GRIN2C: variants seen among roughly 807,000 people sequenced by gnomAD.
GRIN2C encodes glutamate ionotropic receptor NMDA type subunit 2C.
In GRIN2C, 64 loss-of-function variants were observed where a neutral mutation model predicts 77.7. The ratio of observed to expected loss-of-function variants is 0.82; its 90% CI spans 0.67 to 1.01. GRIN2C has a LOEUF of 1.01. Among genes scored for constraint, GRIN2C ranks in the 50% least tolerant of loss-of-function variants. The pLI, the probability that GRIN2C is intolerant of heterozygous loss-of-function variation, is 0.00. For missense variants in GRIN2C, 1,549 were observed against 1,486.0 expected (o/e 1.04, Z -0.70); for synonymous variants, 792 against 643.4 (o/e 1.23, Z -3.49).
chr17:74,856,370 G>A (rs910856412), intron 1 of GRIN2C, among the ~76,000 whole-genome samples: 1 of 152,144 alleles, frequency 6.6e-6, no homozygotes, highest in African/African-American at 2.4e-5. Flanking sequence ...CAGAAACCAC[G>A]CCTCCGAAAG....
chr17:74,847,700 CTG>C lies in GRIN2C; in HGVS notation c.1771+150_1771+151del, dbSNP rs956140743. 363 of 849,724 alleles carry C rather than the reference CTG, an allele frequency of 4.3e-4. No homozygotes were observed. The highest frequency in any genetic ancestry group is 5.7e-4 in the Non-Finnish European group (308 of 536,338). 52.6% of individuals were successfully genotyped at this position (849,724 alleles called of 1,614,324 possible). A position where few individuals can be genotyped will look rare whatever the true frequency, so the allele number is the denominator to read the frequency against. ...GTGAAGTGAGCTCACGTGTGTGTTT[CTG>C]TGTGTGTGTGTCATCTGACTGGCCC... On this transcript the variant is annotated intron_variant, in intron 8 of 12. Transcript: ENST00000293190. The surrounding 1 kb of genome is among the most constrained non-coding windows in gnomAD (Gnocchi z 5.2).
rs765953322 is a variant in GRIN2C, at chr17:74,854,661, G to A, written c.399+33C>T. ...CCGACCCCAGCCTGGTTCCAGGCCTGAGGCACGAGGGGACATGAGTTTGGA... is the reference window on the plus strand; with the variant it reads ...CCGACCCCAGCCTGGTTCCAGGCCTAAGGCACGAGGGGACATGAGTTTGGA... On this transcript the variant is annotated intron_variant, in intron 2 of 12. Coordinates refer to ENST00000293190, the MANE Select transcript of GRIN2C (RefSeq NM_000835.6). 24 of 1,581,174 alleles carry A rather than the reference G, an allele frequency of 1.5e-5. No individual in the cohort carries two copies. The South Asian group carries it at 2.4e-4, about 16-fold the overall frequency.
Position 74,850,800 on chromosome 17 carries a change from C to T in GRIN2C, c.1114-33G>A, listed in dbSNP as rs1483032210. 1.3e-6 allele frequency: 2 copies of T among 1,555,880 alleles called. No individual in the cohort carries two copies. Among genetic ancestry groups the T allele is most frequent in the Admixed American group, 1.8e-5 (1 of 56,286 alleles). ...GGGTGACAGCCTCAGCCTGGGGCCT[C>T]CAGCCCTACAGCCCCCACCCTCTAG... On this transcript the variant is annotated intron_variant, in intron 4 of 12. Transcript: ENST00000293190. The surrounding 1 kb of genome is among the most constrained non-coding windows in gnomAD (Gnocchi z 5.3).
chr17:74,860,804 G>A (rs977682660), upstream of GRIN2C: 7 of 327,758 alleles, frequency 2.1e-5, no homozygotes, highest in Admixed American at 2.5e-4. Context: ...TGGGGCAAAG[G>A]AGATGGGGCA....
At chr17:74,860,512 C>G (rs1364935210), upstream of GRIN2C, 1 of 456,518 alleles carries the variant, frequency 2.2e-6, no homozygotes, top group Non-Finnish European at 4.4e-6. Flanking sequence ...TGCCTTTGCT[C>G]CGCGTGTCCC....
chr17:74,854,606 TA>T, intron 2 of GRIN2C, 87 bp downstream of exon 2: 3 of 1,120,534 alleles, frequency 2.7e-6, no homozygotes, highest in Non-Finnish European at 3.9e-6. Flanking sequence ...CCATCCCGTC[TA>T]ATCCCAGCTT....
chr17:74,842,217 C>T lies in GRIN2C; in HGVS notation c.*218G>A, dbSNP rs1318896951. 5.7e-6 allele frequency: 3 copies of T among 527,416 alleles called. No individual in the cohort carries two copies. The highest frequency in any genetic ancestry group is 1.0e-5 in the Non-Finnish European group (3 of 300,382). 32.7% of individuals were successfully genotyped at this position (527,416 alleles called of 1,614,324 possible). ...TGACCCCCACAGCACACCCTCCTGG[C>T]AGAACTCTGCGTGAGAAGAGGACAG... On this transcript the variant is annotated 3_prime_UTR_variant, in exon 13 of 13. Coordinates refer to ENST00000293190, the MANE Select transcript of GRIN2C (RefSeq NM_000835.6).
intron 1 of GRIN2C, among the ~76,000 whole-genome samples, chr17:74,856,733 C>T (rs886916483): frequency 1.3e-5 from 2 of 152,120 alleles, no homozygotes; most frequent in African/African-American, 4.8e-5. Context: ...CCCACCTCGG[C>T]CTCCCAAAGT....
Position 74,843,235 on chromosome 17 carries a change from C to T in GRIN2C, c.2902G>A (p.Ala968Thr). The T allele has an allele frequency of 3.1e-6, 2 of 638,744 alleles. No homozygotes were observed. Among genetic ancestry groups the T allele is most frequent in the Non-Finnish European group, 4.7e-6 (2 of 423,488 alleles). The allele number at this position is 638,744 out of a possible 1,614,324, so 39.6% of individuals were successfully genotyped here. Reference sequence around the variant, plus strand: ...TGCGGAGCCCTGCGCACAAGCGCCGCGCGACCCCCGTCTGGCGGTCCCCAG... The same window carrying T: ...TGCGGAGCCCTGCGCACAAGCGCCGTGCGACCCCCGTCTGGCGGTCCCCAG... ...TGWGPPDGGR[A>T]ALVRRAPQPP... is the part of the protein sequence containing the mutation. The change falls in exon 13 of 13, where the codon GCG (alanine) becomes ACG (threonine). Residue 968 changes from alanine to threonine, a missense_variant. Physicochemically the swap from Ala to Thr is moderately conservative, Grantham distance 58. This residue lies in a region of GRIN2C where 450 missense variants were observed against 267.9 expected (regional missense o/e 1.68). Coordinates refer to ENST00000293190, the MANE Select transcript of GRIN2C (RefSeq NM_000835.6).
rs748229825 is a variant in GRIN2C at position 74,847,901 on chromosome 17, G to A, written c.1722C>T (p.Phe574=). ...LTVVAITVFM[F]EYFSPVSYNQ... The stretch of plus-strand genomic sequence containing the variant: ...TGTAGCTGACAGGGCTGAAGTACTC[G>A]AACATGAAGACGGTGATGGCCACCA... The change falls in exon 8 of 13, where the codon TTC becomes TTT. Residue 574 remains phenylalanine (F), a synonymous_variant. Coordinates refer to ENST00000293190, the MANE Select transcript of GRIN2C (RefSeq NM_000835.6). This position sits in a 1 kb window ranked among gnomAD's most constrained non-coding sequence, Gnocchi z 5.2. The A allele has an allele frequency of 3.1e-6, 5 of 1,613,906 alleles. No individual in the cohort carries two copies. Among genetic ancestry groups the A allele is most frequent in the African/African-American group, 2.7e-5 (2 of 74,910 alleles).
rs150795212 is a variant in GRIN2C at position 74,859,847 on chromosome 17, G to C, written c.-119C>G. 1 of 154,226 alleles carries C rather than the reference G, an allele frequency of 6.5e-6. No individual in the cohort carries two copies. Among genetic ancestry groups the C allele is most frequent in the Non-Finnish European group, 1.4e-5 (1 of 69,066 alleles). The allele number at this position is 154,226 out of a possible 1,614,324, so 9.6% of individuals were successfully genotyped here. On this transcript the variant is annotated 5_prime_UTR_variant, in exon 1 of 13. Coordinates refer to ENST00000293190, the MANE Select transcript of GRIN2C (RefSeq NM_000835.6). This position sits in a 1 kb window ranked among gnomAD's most constrained non-coding sequence, Gnocchi z 5.9. ...CGGGAGGAGGGGGCGCGAGCAGCGA[G>C]AGCCACCGTCACCCGCGGCTCAAGG...
Position 74,855,046 on chromosome 17 carries a change from C to A in GRIN2C, c.47G>T (p.Gly16Val). 1 of 1,598,542 alleles carries A rather than the reference C, an allele frequency of 6.3e-7. No homozygotes were observed. Among genetic ancestry groups the A allele is most frequent in the Non-Finnish European group, 8.5e-7 (1 of 1,178,414 alleles). ...GPALLLTSLFGAWAGLGPGQG... is the reference protein window; with the variant it reads ...GPALLLTSLFVAWAGLGPGQG... The stretch of plus-strand genomic sequence containing the variant: ...CCCCGGACCCAGCCCTGCCCAGGCA[C>A]CGAAGAGCGAGGTGAGCAACAGGGC... The change falls in exon 2 of 13, where the codon GGT becomes GTT. Residue 16 changes from glycine to valine, a missense_variant. This residue lies in a region of GRIN2C where 382 missense variants were observed against 360.0 expected (regional missense o/e 1.06). Transcript: ENST00000293190.
rs938702340 is a variant in GRIN2C, at chr17:74,847,531, C to T, written c.1778G>A (p.Gly593Glu). Residue 593 changes from glycine (G) to glutamate (E), a missense_variant, in exon 9 of 13, where the codon GGG becomes GAG. By Grantham distance (98) the Gly-to-Glu change is moderately conservative (BLOSUM62 -2). This residue lies in a region of GRIN2C where 717 missense variants were observed against 858.1 expected (regional missense o/e 0.84). Coordinates refer to ENST00000293190, the MANE Select transcript of GRIN2C (RefSeq NM_000835.6). This position sits in a 1 kb window ranked among gnomAD's most constrained non-coding sequence, Gnocchi z 5.2. ...CTTGCCGATAGTGAAAGCTGGGCCC[C>T]CGGACTCTGGGGGCAAGAGGCGGGG... ...NQNLTRGKKS[G>E]GPAFTIGKSV... 1 of 1,611,862 alleles carries T rather than the reference C, an allele frequency of 6.2e-7. No homozygotes were observed.
chr17:74,852,544 A>G lies in GRIN2C; in HGVS notation c.467T>C (p.Val156Ala). The G allele has an allele frequency of 6.5e-7, 1 of 1,548,202 alleles. No individual in the cohort carries two copies. Residue 156 changes from valine (V) to alanine (A), a missense_variant, in exon 3 of 13, where the codon GTG (valine) becomes GCG (alanine). By Grantham distance (64) the Val-to-Ala change is moderately conservative. Around this residue, in one of 3 missense-constraint regions of GRIN2C, gnomAD observed 382 missense variants for 360.0 expected, o/e 1.06. Coordinates refer to ENST00000293190, the MANE Select transcript of GRIN2C (RefSeq NM_000835.6). ...GGCGCTCCAGTCGTACTCTTCCAGC[A>G]CCTTGAACAGCACCTGCAGCTGCTG... ...LEQQLQVLFK[V>A]LEEYDWSAFA...
At chr17:74,860,458 C>G (rs1302787761), upstream of GRIN2C, 1 of 456,612 alleles carries the variant, frequency 2.2e-6, no homozygotes, top group Non-Finnish European at 4.4e-6. Context: ...CCCAGCAGCT[C>G]CTTGCAGGGT....
At position 74,843,018 on chromosome 17, in the gene GRIN2C, C is replaced by T; in HGVS notation, c.3119G>A (p.Arg1040His). The T allele has an allele frequency of 1.2e-5, 6 of 489,186 alleles. No homozygotes were observed. The highest frequency in any genetic ancestry group is 2.9e-5 in the South Asian group (1 of 33,968). 30.3% of individuals were successfully genotyped at this position (489,186 alleles called of 1,614,324 possible). A position where few individuals can be genotyped will look rare whatever the true frequency, so the allele number is the denominator to read the frequency against. Residue 1040 changes from arginine (R) to histidine (H), a missense_variant, in exon 13 of 13, where the codon CGC becomes CAC. Coordinates refer to ENST00000293190, the MANE Select transcript of GRIN2C (RefSeq NM_000835.6). The part of the protein sequence containing the change: ...SSFPRADRSG[R>H]PFLPLFPELE... ...CTCCGGGAAGAGCGGGAGGAAGGGG[C>T]GGCCGGATCGGTCGGCTCGAGGAAA...
chr17:74,852,715 G>C, intron 2 of GRIN2C, 104 bp from the exon 3 acceptor site: 1 of 539,030 alleles, frequency 1.9e-6, no homozygotes, highest in Non-Finnish European at 3.1e-6. Context: ...CCTTGCGCCG[G>C]CGGATGCTCC....
chr17:74,848,647 C>A lies in GRIN2C; in HGVS notation c.1646-670G>T, dbSNP rs1598480695. Among the ~76,000 whole-genome samples the A allele has an allele frequency of 2.0e-5, 3 of 152,218 alleles. No individual in the cohort carries two copies. The East Asian group carries it at 5.8e-4, about 29-fold the overall frequency. ...CCCAGGAGGCGGCAGTTGCAGTGAG[C>A]TGAGAGCGCACCACTGCACTCCAGC... On this transcript the variant is annotated intron_variant, in intron 7 of 12. Transcript: ENST00000293190.
chr17:74,846,882 G>C lies in GRIN2C; in HGVS notation c.2040C>G (p.Phe680Leu). The change falls in exon 10 of 13, where the codon TTC (phenylalanine) becomes TTG (leucine). Residue 680 changes from phenylalanine to leucine, a missense_variant. Phe to Leu is a conservative substitution (Grantham distance 22, BLOSUM62 0). Coordinates refer to ENST00000293190, the MANE Select transcript of GRIN2C (RefSeq NM_000835.6). The surrounding 1 kb of genome is among the most constrained non-coding windows in gnomAD (Gnocchi z 4.4). ...RPQDQYPPFR[F>L]GTVPNGSTER... ...CCGTGCTGCCGTTGGGCACCGTGCC[G>C]AAGCGGAAAGGTGGGTACTGATCTT... 6.2e-7 allele frequency: 1 copy of C among 1,614,002 alleles called. No individual in the cohort carries two copies. Among genetic ancestry groups the C allele is most frequent in the Non-Finnish European group, 8.5e-7 (1 of 1,179,964 alleles).
Sources: allele counts gnomAD v4.1 joint callset (sites outside exome capture counted in the v4.1 genomes callset), GRCh38; gene constraint gnomAD v4.1.1; regional missense constraint gnomAD v4.1.1; non-coding constraint Gnocchi (gnomAD v3.1); transcripts MANE v1.5; gene names NCBI Gene and HGNC (gene_info 2026-07-23, HGNC 2026-07-21).